Variants in SPIDR observed in about 807,000 individuals in gnomAD.
SPIDR encodes the protein DNA repair-scaffolding protein.
A neutral mutation model predicts 104.6 loss-of-function variants in SPIDR; 93 were observed. The observed-to-expected ratio is 0.89, with a 90% CI of 0.75 to 1.06. SPIDR has a LOEUF of 1.06. Among genes scored for constraint, SPIDR ranks in the 50% least tolerant of loss-of-function variants. The pLI is 0.00. For synonymous variants in SPIDR, 431 were observed against 416.9 expected, an observed-to-expected ratio of 1.03 and a Z score of -0.41; for missense variants, 1,154 against 1,111.2, an observed-to-expected ratio of 1.04 and a Z score of -0.55.
intron 8 of SPIDR, among the ~76,000 whole-genome samples, chr8:47,591,132 C>T (rs1265876613): frequency 6.6e-6 from 1 of 150,816 alleles, no homozygotes; most frequent in Non-Finnish European, 1.5e-5. Flanking sequence ...ACCATTTATC[C>T]TCAGTGTAAT....
At chr8:47,641,074 G>T (rs1353893226) in intron 10 of SPIDR, among the ~76,000 whole-genome samples, 1 of 150,964 alleles carries the variant, frequency 6.6e-6, no homozygotes, top group Non-Finnish European at 1.5e-5. Context: ...GCATATTTGA[G>T]GTACACTTTA....
At chr8:47,401,842 T>G (rs570616126) in intron 6 of SPIDR, among the ~76,000 whole-genome samples, 18 of 152,234 alleles carry the variant, frequency 1.2e-4, no homozygotes, top group African/African-American at 4.1e-4. Flanking sequence ...AGCAAGTCCT[T>G]AGAGACCTAC....
chr8:47,539,524 A>T (rs1390785205), intron 8 of SPIDR, among the ~76,000 whole-genome samples: 1 of 152,104 alleles, frequency 6.6e-6, no homozygotes, highest in Non-Finnish European at 1.5e-5. Flanking sequence ...GCATTTTTTA[A>T]ATTAAAGAGA....
At chr8:47,498,071 T>C (rs896999423) in intron 8 of SPIDR, among the ~76,000 whole-genome samples, 2 of 152,164 alleles carry the variant, frequency 1.3e-5, no homozygotes, top group Non-Finnish European at 2.9e-5. Context: ...GACTATAACA[T>C]CAATACAAAC....
chr8:47,629,210 A>G (rs1383129983), intron 10 of SPIDR, among the ~76,000 whole-genome samples: 1 of 152,234 alleles, frequency 6.6e-6, no homozygotes, highest in African/African-American at 2.4e-5. Context: ...TAGTAGGGAC[A>G]CAATTGTCAT....
At chr8:47,606,900 C>T (rs573399321) in intron 10 of SPIDR, among the ~76,000 whole-genome samples, 295 of 152,290 alleles carry the variant, frequency 1.9e-3, no homozygotes, top group African/African-American at 6.9e-3. Context: ...TACATTCCTT[C>T]GCTGTAACGG....
intron 8 of SPIDR, among the ~76,000 whole-genome samples, chr8:47,518,538 A>G (rs1322025876): frequency 2.6e-5 from 4 of 152,162 alleles, no homozygotes; most frequent in Non-Finnish European, 4.4e-5. Flanking sequence ...GGCATTGGGA[A>G]GCAGGAGCAC....
intron 8 of SPIDR, among the ~76,000 whole-genome samples, chr8:47,545,170 G>C (rs1161832886): frequency 1.5e-4 from 22 of 143,696 alleles, no homozygotes; most frequent in Middle Eastern, 3.4e-3. Context: ...GCCCAGGCTG[G>C]AGTGCAGTGG....
chr8:47,608,050 A>G (rs1408383468), intron 10 of SPIDR, among the ~76,000 whole-genome samples: 1 of 152,190 alleles, frequency 6.6e-6, no homozygotes, highest in Non-Finnish European at 1.5e-5. Flanking sequence ...TAACTATAAT[A>G]CGATATTAGA....
intron 1 of SPIDR, among the ~76,000 whole-genome samples, chr8:47,270,283 T>A: frequency 6.6e-6 from 1 of 152,204 alleles, no homozygotes; most frequent in Admixed American, 6.5e-5. Flanking sequence ...TGTAGGAAGT[T>A]TTAAAGTTAT....
chr8:47,624,293 TA>T (rs532676687), intron 10 of SPIDR, among the ~76,000 whole-genome samples: 232 of 152,254 alleles, frequency 1.5e-3, no homozygotes, highest in Non-Finnish European at 2.5e-3. Context: ...AGGAAAGATC[TA>T]AAATTGACAC....
chr8:47,655,927 A>G (rs2072711749), intron 10 of SPIDR, among the ~76,000 whole-genome samples: 1 of 152,170 alleles, frequency 6.6e-6, no homozygotes, highest in Non-Finnish European at 1.5e-5. Context: ...TTTTTGGTCC[A>G]TTGATTTTTG....
chr8:47,267,191 T>C (rs2034261987), intron 1 of SPIDR, among the ~76,000 whole-genome samples: 1 of 150,928 alleles, frequency 6.6e-6, no homozygotes, highest in Non-Finnish European at 1.5e-5. Flanking sequence ...GCTTTGAACT[T>C]TTTTTTTTAA....
At chr8:47,538,965 A>T (rs1272859278) in intron 8 of SPIDR, among the ~76,000 whole-genome samples, 1 of 145,296 alleles carries the variant, frequency 6.9e-6, no homozygotes, top group Non-Finnish European at 1.5e-5. Flanking sequence ...GGTTCAAGTG[A>T]TTCTCCTGCC....
In SPIDR at chr8:47,396,563, C is replaced by G. The variant is rs782566278; in HGVS notation, c.713C>G (p.Pro238Arg). The part of the protein sequence containing the change: ...TKSTETILHT[P>R]QKPTAKFPRT... ...TCAACAGAGACCATTTTGCATACAC[C>G]TCAGAAACCCACAGCTAAGTTTCCC... The change falls in exon 6 of 20, where the codon CCT becomes CGT. Residue 238 changes from proline to arginine, a missense_variant. Transcript: ENST00000297423. The G allele has an allele frequency of 6.2e-7, 1 of 1,614,078 alleles. No homozygotes were observed. The highest frequency in any genetic ancestry group is 8.5e-7 in the Non-Finnish European group (1 of 1,180,006).
At chr8:47,609,028 A>T (rs932291510) in intron 10 of SPIDR, among the ~76,000 whole-genome samples, 1 of 152,174 alleles carries the variant, frequency 6.6e-6, no homozygotes, top group Non-Finnish European at 1.5e-5. Flanking sequence ...CACCCGGCTG[A>T]GCATCTTTTC....
chr8:47,479,039 T>C (rs1428134712), intron 8 of SPIDR, among the ~76,000 whole-genome samples: 2 of 151,980 alleles, frequency 1.3e-5, no homozygotes, highest in Non-Finnish European at 2.9e-5. Context: ...AAAAGTGATA[T>C]AAAATCAGTG....
chr8:47,600,608 T>A (rs1252070590), intron 10 of SPIDR, among the ~76,000 whole-genome samples: 1 of 152,256 alleles, frequency 6.6e-6, no homozygotes, highest in Non-Finnish European at 1.5e-5. Flanking sequence ...AAGGTATTTA[T>A]CATGGCTTGT....
intron 8 of SPIDR, among the ~76,000 whole-genome samples, chr8:47,465,820 G>A (rs1484009552): frequency 6.6e-6 from 1 of 152,152 alleles, no homozygotes; most frequent in East Asian, 1.9e-4. Context: ...CAAAATAAAG[G>A]GATGAAAAGA....
Sources: gnomAD v4.1 joint callset for allele counts (sites outside exome capture counted in the v4.1 genomes callset) on GRCh38, gnomAD v4.1.1 for gene constraint, MANE v1.5 for transcripts, NCBI Gene and HGNC (gene_info 2026-07-23, HGNC 2026-07-21) for gene names.